Variants in YPEL5 observed in about 807,000 individuals in gnomAD.
YPEL5 encodes the protein yippee like 5, also known as protein yippee-like 5.
YPEL5 carries 1 observed loss-of-function variant against 10.5 expected under a neutral mutation model. The ratio of observed to expected loss-of-function variants is 0.10; its 90% confidence interval spans 0.03 to 0.45. The LOEUF is 0.45. Ranked by LOEUF, YPEL5 falls within the 20% of genes least tolerant of loss-of-function variation. YPEL5 has a pLI of 0.97. For missense variants in YPEL5, 68 were observed against 159.3 expected (o/e 0.43, Z 3.09); for synonymous variants, 61 against 56.6 (o/e 1.08, Z -0.35).
chr2:30,150,218 C>T (rs899844090), intron 1 of YPEL5, among the ~76,000 whole-genome samples: 3 of 152,198 alleles, frequency 2.0e-5, no homozygotes, highest in Admixed American at 2.0e-4. Flanking sequence ...CTTTGTGAGC[C>T]ATGCTTTTCT....
chr2:30,151,390 AAG>A (rs531329801), intron 1 of YPEL5, among the ~76,000 whole-genome samples: 7 of 152,186 alleles, frequency 4.6e-5, no homozygotes, highest in Non-Finnish European at 1.0e-4. Context: ...CTTCTGATAA[AAG>A]AGAAATTGGA....
At chr2:30,150,828 T>G (rs1675750452) in intron 1 of YPEL5, among the ~76,000 whole-genome samples, 1 of 152,230 alleles carries the variant, frequency 6.6e-6, no homozygotes, top group African/African-American at 2.4e-5. Flanking sequence ...ATTTTAAACT[T>G]TGCAAGCCAG....
At chr2:30,158,396 G>A (rs948153353) in intron 2 of YPEL5, among the ~76,000 whole-genome samples, 3 of 152,298 alleles carry the variant, frequency 2.0e-5, no homozygotes, top group Middle Eastern at 3.4e-3. Context: ...AGGCTAGTAC[G>A]GTAGTGCATG....
intron 2 of YPEL5, 79 bp from the exon 3 acceptor site, chr2:30,158,540 C>G: frequency 1.5e-6 from 2 of 1,350,842 alleles, no homozygotes; most frequent in East Asian, 2.3e-5. Context: ...GTTGCTGTTG[C>G]ATTAACCATA....
chr2:30,152,882 T>TGTC (rs1675868091), intron 1 of YPEL5, among the ~76,000 whole-genome samples: 2 of 59,844 alleles, frequency 3.3e-5, no homozygotes, highest in South Asian at 8.5e-4. Context: ...TTTTAATGAC[T>TGTC]GTCCTTTGTT....
intron 1 of YPEL5, among the ~76,000 whole-genome samples, chr2:30,149,941 C>G (rs1282957562): frequency 6.6e-6 from 1 of 152,208 alleles, no homozygotes; most frequent in Non-Finnish European, 1.5e-5. Flanking sequence ...TCAGAAGGTT[C>G]TATGAGATGC....
At chr2:30,147,149 C>CGGCCCAGGGTGGGG (rs1219338820) in intron 1 of YPEL5, 87 bp downstream of exon 1, 4 of 152,322 alleles carry the variant, frequency 2.6e-5, no homozygotes, top group Non-Finnish European at 5.9e-5. Flanking sequence ...ACTCGGGAAT[C>CGGCCCAGGGTGGGG]GGCCCAGGGT....
chr2:30,160,149 T>C lies in YPEL5; in HGVS notation c.*1306T>C, dbSNP rs1676218557. The C allele has an allele frequency of 6.5e-6, 1 of 152,688 alleles. No homozygotes were observed. The highest frequency in any genetic ancestry group is 2.4e-5 in the African/African-American group (1 of 41,472). The allele number at this position is 152,688 out of a possible 1,614,324, so 9.5% of individuals were successfully genotyped here. ...ATTAAATGACGGTAAAATTGGCTAATTATTTGAATGAATGAATGGATGGAT... is the reference window on the plus strand; with the variant it reads ...ATTAAATGACGGTAAAATTGGCTAACTATTTGAATGAATGAATGGATGGAT... On this transcript the variant is annotated 3_prime_UTR_variant, in exon 3 of 3. Coordinates refer to ENST00000261353, the MANE Select transcript of YPEL5 (RefSeq NM_016061.3).
intron 1 of YPEL5, among the ~76,000 whole-genome samples, chr2:30,151,668 G>A (rs1429741273): frequency 1.3e-5 from 2 of 152,080 alleles, no homozygotes; most frequent in African/African-American, 4.8e-5. Flanking sequence ...AACATGATAA[G>A]GTAGGGAACA....
In YPEL5 at chr2:30,159,671, ATAT is replaced by A. The variant is rs1676200454; in HGVS notation, c.*830_*832del. 1 of 152,362 alleles carries A rather than the reference ATAT, an allele frequency of 6.6e-6. No homozygotes were observed. Among genetic ancestry groups the A allele is most frequent in the African/African-American group, 2.4e-5 (1 of 41,582 alleles). 9.4% of individuals were successfully genotyped at this position (152,362 alleles called of 1,614,324 possible). A position where few individuals can be genotyped will look rare whatever the true frequency, so the allele number is the denominator to read the frequency against. ...TTAAACTAAATTGACCATGCATATA[ATAT>A]TCTTTGTTTAAATGAAAGCATACTG... On this transcript the variant is annotated 3_prime_UTR_variant, in exon 3 of 3. Transcript: ENST00000261353.
chr2:30,153,488 G>A (rs1187278108), intron 1 of YPEL5, among the ~76,000 whole-genome samples: 1 of 152,098 alleles, frequency 6.6e-6, no homozygotes, highest in African/African-American at 2.4e-5. Context: ...GAATGGTGGG[G>A]GCTACACAAA....
At chr2:30,154,864 G>C (rs572515377) in intron 1 of YPEL5, among the ~76,000 whole-genome samples, 2 of 152,066 alleles carry the variant, frequency 1.3e-5, no homozygotes, top group Non-Finnish European at 2.9e-5. Flanking sequence ...TCAGCCTCCC[G>C]AGTAGCTGAG....
At chr2:30,154,095 T>C (rs749015279) in intron 1 of YPEL5, among the ~76,000 whole-genome samples, 2 of 152,182 alleles carry the variant, frequency 1.3e-5, no homozygotes, top group African/African-American at 4.8e-5. Flanking sequence ...AATTACAACA[T>C]GAATATTGTA....
At chr2:30,153,476 A>G (rs896255802) in intron 1 of YPEL5, among the ~76,000 whole-genome samples, 2 of 152,172 alleles carry the variant, frequency 1.3e-5, no homozygotes, top group African/African-American at 4.8e-5. Context: ...AATATCACAT[A>G]TGAATGGTGG....
chr2:30,154,783 G>C (rs1675962687), intron 1 of YPEL5, among the ~76,000 whole-genome samples: 1 of 152,182 alleles, frequency 6.6e-6, no homozygotes, highest in Non-Finnish European at 1.5e-5. Context: ...CTGTCACCCA[G>C]GCTGGAATGC....
At chr2:30,158,325 C>T (rs1426678558) in intron 2 of YPEL5, among the ~76,000 whole-genome samples, 1 of 152,100 alleles carries the variant, frequency 6.6e-6, no homozygotes, top group Non-Finnish European at 1.5e-5. Context: ...GGCTCCAATT[C>T]CAGGACTTTT....
Position 30,158,502 on chromosome 2 carries a change from A to AC in YPEL5, c.142-116dup. On this transcript the variant is annotated intron_variant, in intron 2 of 2. Transcript: ENST00000261353. ...TCTTGCGTATTATAGGTTTGACTAA[A>AC]CTAACAAGTTCTTTCTCCTTTTCTG... 3.1e-6 allele frequency: 3 copies of AC among 975,520 alleles called. No individual in the cohort carries two copies. In the South Asian group the frequency reaches 4.7e-5, roughly 15 times the overall value. 60.4% of individuals were successfully genotyped at this position (975,520 alleles called of 1,614,324 possible).
At chr2:30,150,665 T>C (rs1198220597) in intron 1 of YPEL5, among the ~76,000 whole-genome samples, 1 of 152,250 alleles carries the variant, frequency 6.6e-6, no homozygotes, top group African/African-American at 2.4e-5. Flanking sequence ...AACTGATCTT[T>C]TCAAATACTC....
At chr2:30,147,372 C>T (rs1167325619) in intron 1 of YPEL5, 1 of 148,500 alleles carries the variant, frequency 6.7e-6, no homozygotes, top group Admixed American at 6.7e-5. Flanking sequence ...CGCAACCCCT[C>T]CGCGCGGCGC....
Sources: allele counts gnomAD v4.1 joint callset (sites outside exome capture counted in the v4.1 genomes callset), GRCh38; gene constraint gnomAD v4.1.1; transcripts MANE v1.5; gene names NCBI Gene and HGNC (gene_info 2026-07-23, HGNC 2026-07-21).